The following POC1B variants were observed in gnomAD, a reference collection of about 807,000 sequenced individuals.
POC1B encodes the protein POC1 centriolar protein homolog B.
A neutral mutation model predicts 60.6 loss-of-function variants in POC1B; 44 were observed. The observed-to-expected ratio is 0.73, with a 90% CI of 0.57 to 0.93. POC1B has a LOEUF of 0.93. Ranked by LOEUF, POC1B falls within the 40% of genes least tolerant of loss-of-function variation. The pLI is 0.00. For synonymous variants in POC1B, 180 were observed against 198.9 expected (o/e 0.90, Z 0.80); for missense variants, 555 against 572.3 (o/e 0.97, Z 0.31).
intron 10 of POC1B, among the ~76,000 whole-genome samples, chr12:89,452,271 C>A (rs1272792170): frequency 6.6e-6 from 1 of 152,102 alleles, no homozygotes; most frequent in Non-Finnish European, 1.5e-5. Flanking sequence ...TACAGTATCT[C>A]AGCAAGTTGG....
chr12:89,524,330 G>A, intron 2 of POC1B: 1 of 1,613,992 alleles, frequency 6.2e-7, no homozygotes, highest in Non-Finnish European at 8.5e-7. Context: ...CACTCCCCAA[G>A]TGCACGGGAA....
rs1299946956 is a variant in POC1B at position 89,420,955 on chromosome 12, T to G, written c.*198A>C. On this transcript the variant is annotated 3_prime_UTR_variant, in exon 12 of 12. Transcript: ENST00000313546. Reference sequence around the variant, plus strand: ...AAATGATAGTAATTTAAATTAGTCCTTCACATTGATATGTGTTTAAATTAG... The same window carrying G: ...AAATGATAGTAATTTAAATTAGTCCGTCACATTGATATGTGTTTAAATTAG... 2.3e-6 allele frequency: 1 copy of G among 435,342 alleles called. No homozygotes were observed. The highest frequency in any genetic ancestry group is 2.0e-5 in the African/African-American group (1 of 50,914). 27.0% of individuals were successfully genotyped at this position (435,342 alleles called of 1,614,324 possible). A position where few individuals can be genotyped will look rare whatever the true frequency, so the allele number is the denominator to read the frequency against.
chr12:89,456,731 G>T lies in POC1B; in HGVS notation c.1113+2907C>A, dbSNP rs78618038. Among the ~76,000 whole-genome samples the T allele has an allele frequency of 5.1e-4, 78 of 151,876 alleles. 1 individual carries two copies. The East Asian group carries it at 0.014, about 27-fold the overall frequency. On this transcript the variant is annotated intron_variant, in intron 10 of 11. Coordinates refer to ENST00000313546, the MANE Select transcript of POC1B (RefSeq NM_172240.3). ...CAATATTGTATCAAATTTCCTGCTT[G>T]GCATTAGAGACACAAGTGCAAGCCA... is the stretch of plus-strand genomic sequence containing the variant.
the POC1B span, among the ~76,000 whole-genome samples, chr12:89,410,624 G>A: frequency 3.3e-5 from 5 of 150,446 alleles, no homozygotes; most frequent in East Asian, 7.8e-4. Context: ...AGCTTGCAGT[G>A]AGCCGAGATC....
intron 10 of POC1B, chr12:89,427,119 G>C (rs1246902397): frequency 2.6e-5 from 4 of 152,064 alleles, no homozygotes; most frequent in Admixed American, 2.6e-4. Flanking sequence ...AAATGTGAAG[G>C]ACTCATACTT....
chr12:89,511,468 C>T (rs923252401), intron 2 of POC1B, among the ~76,000 whole-genome samples: 1 of 151,882 alleles, frequency 6.6e-6, no homozygotes, highest in Admixed American at 6.6e-5. Context: ...TATAGAAATC[C>T]TTGGATTTTT....
chr12:89,407,855 G>A, the POC1B span, among the ~76,000 whole-genome samples: 4 of 152,258 alleles, frequency 2.6e-5, no homozygotes, highest in East Asian at 1.9e-4. Flanking sequence ...TGTGCAGAAC[G>A]TGCAGGTTTG....
chr12:89,405,791 C>T, the POC1B span, among the ~76,000 whole-genome samples: 6 of 150,978 alleles, frequency 4.0e-5, no homozygotes, highest in African/African-American at 1.2e-4. Flanking sequence ...CCTGTCTCTA[C>T]AAAAATGTTT....
rs537087397 is a variant in POC1B at position 89,444,425 on chromosome 12, T to A, written c.1113+15213A>T. Among the ~76,000 whole-genome samples, 4 of 152,304 alleles carry A rather than the reference T, an allele frequency of 2.6e-5. No individual in the cohort carries two copies. In the South Asian group the frequency reaches 8.3e-4, roughly 32 times the overall value. On this transcript the variant is annotated intron_variant, in intron 10 of 11. Coordinates refer to ENST00000313546, the MANE Select transcript of POC1B (RefSeq NM_172240.3). The stretch of plus-strand genomic sequence containing the variant: ...ATCCACCACGATCAAGTTGGCTTCA[T>A]CCCTCAGATGGAAGACTGGTTCAAC...
rs140455518 is a variant in POC1B at position 89,439,890 on chromosome 12, C to A, written c.1114-14511G>T. Among the ~76,000 whole-genome samples, 353 of 152,290 alleles carry A rather than the reference C, an allele frequency of 2.3e-3. 1 individual carries two copies. Among genetic ancestry groups the A allele is most frequent in the African/African-American group, 8.0e-3 (334 of 41,554 alleles). ...AAAGTGCTGGGATTACAGGCATGAG[C>A]CACTGTGCCCGGCCTTGAGTAGCAA... On this transcript the variant is annotated intron_variant, in intron 10 of 11. Transcript: ENST00000313546.
chr12:89,521,653 A>G (rs776833475), intron 2 of POC1B: 2 of 201,548 alleles, frequency 9.9e-6, no homozygotes, highest in Non-Finnish European at 2.0e-5. Context: ...ACACATCATA[A>G]TAACTTGACC....
intron 10 of POC1B, 83 bp from the exon 11 acceptor site, chr12:89,425,462 T>C (rs940932549): frequency 4.3e-5 from 47 of 1,092,336 alleles, no homozygotes; most frequent in Non-Finnish European, 5.2e-5. Flanking sequence ...ATATTCCTCT[T>C]CTAAAAAGCC....
At chr12:89,432,186 C>G (rs1427378403) in intron 10 of POC1B, among the ~76,000 whole-genome samples, 1 of 151,772 alleles carries the variant, frequency 6.6e-6, no homozygotes, top group East Asian at 1.9e-4. Flanking sequence ...GAGTTTGAGA[C>G]CAGCCTGGGC....
chr12:89,525,185 C>T lies in POC1B; in HGVS notation c.35G>A (p.Arg12His). 4 of 1,611,878 alleles carry T rather than the reference C, an allele frequency of 2.5e-6. No individual in the cohort carries two copies. Among genetic ancestry groups the T allele is most frequent in the Non-Finnish European group, 3.4e-6 (4 of 1,178,930 alleles). Reference sequence around the variant, plus strand: ...CGCAGCTTTGTGGCCTTTGAAATAACGCTCCAGAACGGGGTCCTCCTGGAA... The same window carrying T: ...CGCAGCTTTGTGGCCTTTGAAATAATGCTCCAGAACGGGGTCCTCCTGGAA... The part of the protein sequence containing the change: ...ASATEDPVLE[R>H]YFKGHKAAIT... Residue 12 changes from arginine to histidine, a missense_variant, in exon 2 of 12, where the codon CGT becomes CAT. Arg to His is a conservative substitution (Grantham distance 29). Transcript: ENST00000313546.
At chr12:89,459,613 A>AAC in intron 10 of POC1B, 25 bp downstream of exon 10, 1 of 1,197,602 alleles carries the variant, frequency 8.4e-7, no homozygotes, top group African/African-American at 1.6e-5. Context: ...TAAGTGTCAA[A>AAC]AAAAAAAAAA....
chr12:89,403,694 T>C, the POC1B span, among the ~76,000 whole-genome samples: 1 of 152,206 alleles, frequency 6.6e-6, no homozygotes, highest in Non-Finnish European at 1.5e-5. Context: ...TTCCCGGCCA[T>C]GAAGCCATCT....
At chr12:89,449,935 T>C (rs1881973273) in intron 10 of POC1B, among the ~76,000 whole-genome samples, 1 of 152,104 alleles carries the variant, frequency 6.6e-6, no homozygotes, top group African/African-American at 2.4e-5. Flanking sequence ...CAATACAAAT[T>C]GAGGGTACTT....
chr12:89,495,261 C>T (rs1316389503), intron 3 of POC1B, among the ~76,000 whole-genome samples: 1 of 152,204 alleles, frequency 6.6e-6, no homozygotes, highest in Non-Finnish European at 1.5e-5. Context: ...TGAAGTTATG[C>T]TGTGCAGAAG....
intron 4 of POC1B, among the ~76,000 whole-genome samples, chr12:89,476,720 A>G (rs1409055836): frequency 1.7e-5 from 2 of 114,810 alleles, no homozygotes; most frequent in African/African-American, 6.5e-5. Context: ...ATAGATAGAT[A>G]GATAGATAGA....
Sources: gnomAD v4.1 joint callset for allele counts (sites outside exome capture counted in the v4.1 genomes callset) on GRCh38, gnomAD v4.1.1 for gene constraint, MANE v1.5 for transcripts, NCBI Gene and HGNC (gene_info 2026-07-23, HGNC 2026-07-21) for gene names.